Variants in TMEM266 observed in about 807,000 individuals in gnomAD.
TMEM266 encodes the protein transmembrane protein 266.
A neutral mutation model predicts 50.5 loss-of-function variants in TMEM266; 33 were observed. The observed-to-expected ratio is 0.65, with a 90% CI of 0.50 to 0.87. TMEM266 has a LOEUF of 0.87. Ranked by LOEUF, TMEM266 falls within the 40% of genes least tolerant of loss-of-function variation. The probability of loss-of-function intolerance (pLI) is 0.00; values close to 1 mark genes in which losing one functional copy is unlikely to be tolerated. For missense variants in TMEM266, 655 were observed against 695.1 expected (o/e 0.94, Z 0.65); for synonymous variants, 310 against 292.3 (o/e 1.06, Z -0.62).
At chr15:76,092,706 T>C (rs923305933) in intron 1 of TMEM266, among the ~76,000 whole-genome samples, 3 of 150,686 alleles carry the variant, frequency 2.0e-5, no homozygotes, top group Non-Finnish European at 2.9e-5. Context: ...AATAAATAAA[T>C]AATATAGCTA....
chr15:76,151,502 C>G (rs1226130536), intron 3 of TMEM266, among the ~76,000 whole-genome samples: 2 of 152,118 alleles, frequency 1.3e-5, no homozygotes, highest in African/African-American at 2.4e-5. Context: ...TGTGGTCTTG[C>G]AGTCTAGTGC....
At chr15:76,125,948 A>C (rs2037417050) in intron 1 of TMEM266, among the ~76,000 whole-genome samples, 1 of 152,118 alleles carries the variant, frequency 6.6e-6, no homozygotes, top group South Asian at 2.1e-4. Flanking sequence ...AGGTTTATGA[A>C]AAGGTGCTTA....
At chr15:76,072,186 C>G (rs1198397985) in intron 1 of TMEM266, among the ~76,000 whole-genome samples, 1 of 152,002 alleles carries the variant, frequency 6.6e-6, no homozygotes, top group African/African-American at 2.4e-5. Context: ...TACCTGTAAT[C>G]CCAGCACTTT....
chr15:76,165,328 G>C (rs144451826), intron 5 of TMEM266, among the ~76,000 whole-genome samples: 1 of 152,350 alleles, frequency 6.6e-6, no homozygotes, highest in Non-Finnish European at 1.5e-5. Context: ...GGACCAGAAG[G>C]TTCACTTGCC....
intron 1 of TMEM266, among the ~76,000 whole-genome samples, chr15:76,080,137 C>T (rs553756597): frequency 1.1e-4 from 17 of 150,306 alleles, no homozygotes; most frequent in Admixed American, 3.3e-4. Context: ...GAGGCCAAGA[C>T]GGGCAGATCA....
intron 9 of TMEM266, 125 bp downstream of exon 9, chr15:76,192,282 C>G: frequency 4.5e-6 from 4 of 888,522 alleles, no homozygotes; most frequent in Non-Finnish European, 6.3e-6. Context: ...CCCTCCTTCA[C>G]TCGTGATTGG....
At chr15:76,117,247 AT>A (rs10691642) in intron 1 of TMEM266, among the ~76,000 whole-genome samples, 7 of 149,764 alleles carry the variant, frequency 4.7e-5, no homozygotes, top group South Asian at 2.1e-4. Context: ...CAGTGTGTAC[AT>A]TTTTTTTTTC....
chr15:76,191,947 C>A, intron 8 of TMEM266, 21 bp from the exon 9 acceptor site: 4 of 1,569,098 alleles, frequency 2.5e-6, no homozygotes, highest in Non-Finnish European at 3.4e-6. Flanking sequence ...CTGATTCAGC[C>A]TTGCCCGTCT....
intron 8 of TMEM266, chr15:76,178,720 C>G (rs2038342205): frequency 6.6e-6 from 1 of 152,240 alleles, no homozygotes. Context: ...CGGAGGGAGA[C>G]TCCCTTGCAT....
At chr15:76,071,711 C>A (rs562465027) in intron 1 of TMEM266, among the ~76,000 whole-genome samples, 44 of 152,228 alleles carry the variant, frequency 2.9e-4, no homozygotes, top group Non-Finnish European at 4.7e-4. Context: ...CTCTTTGGTT[C>A]CCACCAGCCC....
At chr15:76,150,136 C>T (rs529542529) in intron 3 of TMEM266, among the ~76,000 whole-genome samples, 31 of 152,276 alleles carry the variant, frequency 2.0e-4, no homozygotes, top group East Asian at 9.7e-4. Flanking sequence ...TCAAGGAGTC[C>T]GTGCACTCCC....
chr15:76,202,304 C>T (rs191277491), intron 10 of TMEM266, 40 bp downstream of exon 10: 1 of 1,557,556 alleles, frequency 6.4e-7, no homozygotes, highest in Admixed American at 1.8e-5. Flanking sequence ...TGCCACAACC[C>T]CAGCAATCCC....
chr15:76,113,391 A>G (rs1178077384), intron 1 of TMEM266: 1 of 152,326 alleles, frequency 6.6e-6, no homozygotes, highest in East Asian at 1.9e-4. Context: ...GAGGTGAATA[A>G]TTGTGTGTGC....
intron 3 of TMEM266, among the ~76,000 whole-genome samples, chr15:76,147,136 C>T (rs2037769039): frequency 6.6e-6 from 1 of 152,200 alleles, no homozygotes; most frequent in Non-Finnish European, 1.5e-5. Context: ...CGAGGAAGAG[C>T]TGCACGGGAG....
At chr15:76,064,160 A>T (rs984040796) in intron 1 of TMEM266, among the ~76,000 whole-genome samples, 15 of 152,188 alleles carry the variant, frequency 9.9e-5, no homozygotes, top group African/African-American at 3.4e-4. Context: ...AGTCACTAGA[A>T]AGGAAAAGGA....
At chr15:76,191,926 G>A (rs1567182876) in intron 8 of TMEM266, 42 bp from the exon 9 acceptor site, 6 of 1,522,242 alleles carry the variant, frequency 3.9e-6, no homozygotes, top group South Asian at 1.3e-5. Flanking sequence ...GCCCCCGCCG[G>A]CCCCTCGCCG....
rs1325330594 is a variant in TMEM266, at chr15:76,191,991, G to A, written c.792G>A (p.Ala264=). 22 of 1,582,384 alleles carry A rather than the reference G, an allele frequency of 1.4e-5. No homozygotes were observed. The highest frequency in any genetic ancestry group is 1.8e-5 in the Non-Finnish European group (21 of 1,169,306). ...AGTTTGAGATCCGGCAGCTGCGCGCGCACCTGGCGCAGCAGGACCTGGACC... is the reference window on the plus strand; with the variant it reads ...AGTTTGAGATCCGGCAGCTGCGCGCACACCTGGCGCAGCAGGACCTGGACC... Residue 264 remains alanine (A), a synonymous_variant, in exon 9 of 11, where the codon GCG becomes GCA. Coordinates refer to ENST00000388942, the MANE Select transcript of TMEM266 (RefSeq NM_152335.3).
At chr15:76,067,731 A>G (rs1311658436) in intron 1 of TMEM266, among the ~76,000 whole-genome samples, 3 of 151,242 alleles carry the variant, frequency 2.0e-5, no homozygotes, top group Non-Finnish European at 2.9e-5. Context: ...AAAGTATGCA[A>G]TAACACATCC....
intron 2 of TMEM266, among the ~76,000 whole-genome samples, chr15:76,136,379 A>C (rs191621361): frequency 3.0e-4 from 45 of 152,354 alleles, no homozygotes; most frequent in African/African-American, 9.1e-4. Context: ...ATGTCAGATC[A>C]TAGTGAGAAG....
Sources: allele counts gnomAD v4.1 joint callset (sites outside exome capture counted in the v4.1 genomes callset), GRCh38; gene constraint gnomAD v4.1.1; transcripts MANE v1.5; gene names NCBI Gene and HGNC (gene_info 2026-07-23, HGNC 2026-07-21).